Variants in MYH9 observed in about 807,000 individuals in gnomAD.
MYH9 encodes the protein myosin-9.
Under a neutral mutation model 241.9 loss-of-function variants are expected in MYH9, and 29 were observed. The observed-to-expected ratio is 0.12, with a 90% CI of 0.09 to 0.16. MYH9 has a LOEUF of 0.16. MYH9 is among the 10% of genes least tolerant of loss of function. The probability of loss-of-function intolerance (pLI) is 1.00; values close to 1 mark genes in which losing one functional copy is unlikely to be tolerated. For synonymous variants in MYH9, 1,047 were observed against 1,062.6 expected (o/e 0.99, Z 0.29); for missense variants, 1,803 against 2,595.5 (o/e 0.69, Z 6.63).
intron 5 of MYH9, among the ~76,000 whole-genome samples, chr22:36,322,790 G>C (rs1233478433): frequency 1.3e-5 from 2 of 152,214 alleles, no homozygotes; most frequent in Admixed American, 6.5e-5. Flanking sequence ...AGCTCCCTCA[G>C]CTCTAGGAAC....
intron 31 of MYH9, among the ~76,000 whole-genome samples, chr22:36,291,280 C>T (rs1168302995): frequency 5.3e-5 from 8 of 152,262 alleles, no homozygotes; most frequent in Middle Eastern, 3.4e-3. Flanking sequence ...GGATGGTTGC[C>T]GTGTCTGTGT....
At chr22:36,385,055 A>C (rs1158919744) in intron 1 of MYH9, among the ~76,000 whole-genome samples, 2 of 152,114 alleles carry the variant, frequency 1.3e-5, no homozygotes, top group Admixed American at 6.6e-5. Flanking sequence ...ATGCTGTTTT[A>C]TGCTCAGTAA....
chr22:36,312,331 G>GGGATTCA, intron 13 of MYH9, 109 bp from the exon 14 acceptor site: 3 of 1,132,118 alleles, frequency 2.6e-6, no homozygotes, highest in Non-Finnish European at 2.6e-6. Context: ...CACAGACGGT[G>GGGATTCA]GGCGACACAC....
At chr22:36,375,362 T>C (rs2018149782) in intron 1 of MYH9, among the ~76,000 whole-genome samples, 1 of 152,086 alleles carries the variant, frequency 6.6e-6, no homozygotes, top group Non-Finnish European at 1.5e-5. Flanking sequence ...ATTTGAAAAA[T>C]GGCCAGTGGG....
chr22:36,327,194 T>A (rs897239762), intron 4 of MYH9, among the ~76,000 whole-genome samples: 3 of 152,088 alleles, frequency 2.0e-5, no homozygotes, highest in Non-Finnish European at 4.4e-5. Flanking sequence ...TGTGGAGAGA[T>A]CTTGCTTTTC....
chr22:36,364,430 C>T (rs1232656212), intron 1 of MYH9, among the ~76,000 whole-genome samples: 1 of 152,172 alleles, frequency 6.6e-6, no homozygotes, highest in Non-Finnish European at 1.5e-5. Context: ...GCGTCACCCA[C>T]TCTTAAGTGC....
At chr22:36,307,933 C>G (rs1195363398) in intron 15 of MYH9, among the ~76,000 whole-genome samples, 1 of 151,838 alleles carries the variant, frequency 6.6e-6, no homozygotes, top group African/African-American at 2.4e-5. Context: ...ATGTACCCAC[C>G]ACAGGGTCAA....
intron 31 of MYH9, 138 bp from the exon 32 acceptor site, chr22:36,289,435 G>T (rs1024028030): frequency 1.3e-6 from 1 of 763,770 alleles, no homozygotes; most frequent in Middle Eastern, 3.7e-4. Flanking sequence ...ACAGGCCCAG[G>T]GCTGTGCCCA....
intron 3 of MYH9, among the ~76,000 whole-genome samples, chr22:36,340,993 G>A (rs191176676): frequency 1.3e-5 from 2 of 152,232 alleles, no homozygotes; most frequent in Admixed American, 6.5e-5. Context: ...ACTCGAACGT[G>A]TTTCTAGACT....
intron 1 of MYH9, among the ~76,000 whole-genome samples, chr22:36,378,143 G>A (rs1313723310): frequency 6.6e-6 from 1 of 151,960 alleles, no homozygotes; most frequent in Non-Finnish European, 1.5e-5. Context: ...AGGCCTGGTG[G>A]TGCACACCTG....
rs1435658079 is a variant in MYH9 at position 36,316,610 on chromosome 22, C to T, written c.1287G>A (p.Leu429=). The change falls in exon 12 of 41, where the codon CTG becomes CTA. Residue 429 remains leucine, a synonymous_variant. Transcript: ENST00000216181. ...CCAGAGCCTTGTTGATGCGCAGCAC[C>T]AGCCAGCGGAACATCCGCTCATAGG... ...KATYERMFRW[L]VLRINKALDK... 1.2e-6 allele frequency: 2 copies of T among 1,613,986 alleles called. No homozygotes were observed. The highest frequency in any genetic ancestry group is 2.2e-5 in the East Asian group (1 of 44,896).
chr22:36,351,894 G>C (rs2017770604), intron 1 of MYH9, among the ~76,000 whole-genome samples: 1 of 151,994 alleles, frequency 6.6e-6, no homozygotes, highest in Non-Finnish European at 1.5e-5. Flanking sequence ...AGAGCAGAAG[G>C]GGCAGGGGAT....
At chr22:36,343,082 C>A (rs1206947915) in intron 2 of MYH9, among the ~76,000 whole-genome samples, 4 of 152,210 alleles carry the variant, frequency 2.6e-5, no homozygotes, top group Admixed American at 2.6e-4. Flanking sequence ...GGGGATGGAT[C>A]TTGTGGCTGA....
At chr22:36,372,363 C>A (rs2018102025) in intron 1 of MYH9, among the ~76,000 whole-genome samples, 1 of 151,822 alleles carries the variant, frequency 6.6e-6, no homozygotes, top group South Asian at 2.1e-4. Flanking sequence ...GTGGTGTGCA[C>A]CTGTAGTCAC....
chr22:36,314,439 C>T (rs959852320), intron 12 of MYH9, 121 bp from the exon 13 acceptor site: 21 of 1,253,998 alleles, frequency 1.7e-5, no homozygotes, highest in South Asian at 8.8e-5. Flanking sequence ...ACCTCCATGC[C>T]GCTGCCTTTA....
At chr22:36,321,670 G>A (rs2017253770) in intron 7 of MYH9, 88 bp downstream of exon 7, 2 of 1,245,786 alleles carry the variant, frequency 1.6e-6, no homozygotes, top group Admixed American at 3.4e-5. Flanking sequence ...AGGGGAAAGT[G>A]CTGGAATCAG....
At chr22:36,341,335 T>C (rs201351067) in intron 3 of MYH9, 35 bp downstream of exon 3, 37 of 1,611,964 alleles carry the variant, frequency 2.3e-5, no homozygotes, top group Non-Finnish European at 2.9e-5. Context: ...CAGGTGAAGA[T>C]TCAGCCCCAG....
At position 36,285,175 on chromosome 22, in the gene MYH9, G is replaced by A. The variant is rs1393158636; in HGVS notation, c.5429C>T (p.Thr1810Ile). ...TVKSKYKASI[T>I]ALEAKIAQLE... Reference sequence around the variant, plus strand: ...CTGTGCAATCTTGGCCTCGAGGGCGGTGATGGAGGCCTTGTACTTGGACTT... The same window carrying A: ...CTGTGCAATCTTGGCCTCGAGGGCGATGATGGAGGCCTTGTACTTGGACTT... Residue 1810 changes from threonine to isoleucine, a missense_variant, in exon 38 of 41, where the codon ACC (threonine) becomes ATC (isoleucine). Physicochemically the swap from Thr to Ile is moderately conservative, Grantham distance 89. This residue lies in a region of MYH9 where 876 missense variants were observed against 1,077.8 expected (regional missense o/e 0.81). Coordinates refer to ENST00000216181, the MANE Select transcript of MYH9 (RefSeq NM_002473.6). The surrounding 1 kb of genome is among the most constrained non-coding windows in gnomAD (Gnocchi z 7.0). The A allele has an allele frequency of 1.2e-6, 2 of 1,614,162 alleles. No individual in the cohort carries two copies. Among genetic ancestry groups the A allele is most frequent in the African/African-American group, 1.3e-5 (1 of 75,044 alleles).
intron 1 of MYH9, among the ~76,000 whole-genome samples, chr22:36,360,045 C>CCACCACCACCACCAA (rs2017914156): frequency 7.3e-6 from 1 of 136,318 alleles, no homozygotes; most frequent in Non-Finnish European, 1.7e-5. Flanking sequence ...ACCACCACCA[C>CCACCACCACCACCAA]CACCACCACC....
Sources: gnomAD v4.1 joint callset for allele counts (sites outside exome capture counted in the v4.1 genomes callset) on GRCh38, gnomAD v4.1.1 for gene constraint, gnomAD v4.1.1 regional missense constraint, Gnocchi (gnomAD v3.1) non-coding constraint, MANE v1.5 for transcripts, NCBI Gene and HGNC (gene_info 2026-07-23, HGNC 2026-07-21) for gene names.